MYO9A: variants seen among roughly 807,000 people sequenced by gnomAD.
The protein encoded by MYO9A is myosin IXA.
A neutral mutation model predicts 293.3 loss-of-function variants in MYO9A; 103 were observed. The observed-to-expected ratio is 0.35, with a 90% CI of 0.30 to 0.41. The LOEUF (loss-of-function observed/expected upper bound fraction) is 0.41, where lower values mean the gene tolerates loss of function less well. Ranked by LOEUF, MYO9A falls within the 10% of genes least tolerant of loss-of-function variation. The probability of loss-of-function intolerance (pLI) is 1.00; values close to 1 mark genes in which losing one functional copy is unlikely to be tolerated. For synonymous variants in MYO9A, 1,001 were observed against 1,035.7 expected, an observed-to-expected ratio of 0.97 and a Z score of 0.64; for missense variants, 2,685 against 3,033.0, an observed-to-expected ratio of 0.89 and a Z score of 2.69.
At chr15:71,958,333 T>C (rs1342010284) in intron 14 of MYO9A, among the ~76,000 whole-genome samples, 1 of 152,150 alleles carries the variant, frequency 6.6e-6, no homozygotes, top group African/African-American at 2.4e-5. Flanking sequence ...GTTCCAACTT[T>C]ATAATATGTT....
In MYO9A at chr15:72,045,921, T is replaced by C. The variant is rs199614803; in HGVS notation, c.643A>G (p.Ile215Val). 1.1e-4 allele frequency: 182 copies of C among 1,614,172 alleles called. No homozygotes were observed. Among genetic ancestry groups the C allele is most frequent in the Non-Finnish European group, 1.4e-4 (171 of 1,180,030 alleles). Reference sequence around the variant, plus strand: ...TAAGCTACATCAGCCACAGCATAAATGTGGGGCTCAAGTTTTCCCAGTTGG... The same window carrying C: ...TAAGCTACATCAGCCACAGCATAAACGTGGGGCTCAAGTTTTCCCAGTTGG... ...NHQLGKLEPH[I>V]YAVADVAYHA... Residue 215 changes from isoleucine to valine, a missense_variant, in exon 2 of 42, where the codon ATT becomes GTT. Physicochemically the swap from Ile to Val is conservative, Grantham distance 29. Transcript: ENST00000356056.
intron 19 of MYO9A, among the ~76,000 whole-genome samples, chr15:71,906,794 C>T (rs1394471815): frequency 8.9e-5 from 6 of 67,608 alleles, no homozygotes; most frequent in African/African-American, 1.7e-4. Context: ...GACAGTGTCT[C>T]GCTCTGTCAC....
At chr15:71,867,291 A>T (rs2056361775) in intron 32 of MYO9A, among the ~76,000 whole-genome samples, 1 of 152,172 alleles carries the variant, frequency 6.6e-6, no homozygotes, top group African/African-American at 2.4e-5. Flanking sequence ...GTGACCACTA[A>T]ATTATTGGAA....
At chr15:71,868,597 A>C (rs1262239140) in intron 32 of MYO9A, among the ~76,000 whole-genome samples, 2 of 152,202 alleles carry the variant, frequency 1.3e-5, no homozygotes. Flanking sequence ...TGGAGGGAAC[A>C]TCTTTAGAAT....
At chr15:71,827,547 C>T (rs1341158739) in intron 41 of MYO9A, among the ~76,000 whole-genome samples, 2 of 152,018 alleles carry the variant, frequency 1.3e-5, no homozygotes, top group East Asian at 3.9e-4. Flanking sequence ...AAACAAAAAA[C>T]TCAATCACGT....
At chr15:71,991,026 A>G in intron 11 of MYO9A, 77 bp downstream of exon 11, 1 of 1,266,050 alleles carries the variant, frequency 7.9e-7, no homozygotes, top group Non-Finnish European at 1.0e-6. Flanking sequence ...GTGTGAAAAA[A>G]TGAAGTGAAT....
At chr15:72,118,300 T>C (rs544727513), upstream of MYO9A, 6 of 254,036 alleles carry the variant, frequency 2.4e-5, no homozygotes, top group Admixed American at 1.7e-4. Flanking sequence ...TTTTTTCTTC[T>C]TCACCTTACG....
intron 39 of MYO9A, among the ~76,000 whole-genome samples, chr15:71,845,995 C>T (rs1451844580): frequency 2.0e-5 from 3 of 152,106 alleles, no homozygotes; most frequent in Admixed American, 1.3e-4. Context: ...AAACAAATGG[C>T]GATATTTGTT....
At chr15:71,922,402 T>C (rs889727026) in intron 18 of MYO9A, among the ~76,000 whole-genome samples, 1 of 152,218 alleles carries the variant, frequency 6.6e-6, no homozygotes, top group Non-Finnish European at 1.5e-5. Flanking sequence ...CATGTATACA[T>C]TGAGTAGTGA....
chr15:72,026,044 C>A (rs973722867), intron 4 of MYO9A, among the ~76,000 whole-genome samples: 7 of 151,860 alleles, frequency 4.6e-5, no homozygotes, highest in Admixed American at 3.9e-4. Flanking sequence ...GAGGCTGAGG[C>A]GGGCAGATCA....
At chr15:71,919,024 T>C (rs781176170) in intron 18 of MYO9A, among the ~76,000 whole-genome samples, 1 of 152,236 alleles carries the variant, frequency 6.6e-6, no homozygotes, top group Non-Finnish European at 1.5e-5. Context: ...CTTGCTTAAA[T>C]ACTGAAAAAA....
chr15:71,845,015 G>A (rs913479213), intron 39 of MYO9A, among the ~76,000 whole-genome samples: 5 of 152,126 alleles, frequency 3.3e-5, no homozygotes, highest in Non-Finnish European at 5.9e-5. Context: ...ACAAATCTCA[G>A]AATCCTAATG....
intron 1 of MYO9A, among the ~76,000 whole-genome samples, chr15:72,066,484 C>CAA (rs369900151): frequency 0.011 from 965 of 88,624 alleles, 24 homozygotes; most frequent in East Asian, 0.058. Flanking sequence ...GACTTGGTCT[C>CAA]AAAAAAAAAA....
At chr15:71,973,909 A>C (rs2076074943) in intron 12 of MYO9A, among the ~76,000 whole-genome samples, 2 of 152,160 alleles carry the variant, frequency 1.3e-5, no homozygotes, top group Admixed American at 6.5e-5. Context: ...TTTGTCAGCA[A>C]GAGAGTCTGA....
At chr15:71,845,462 G>C (rs183797621) in intron 39 of MYO9A, among the ~76,000 whole-genome samples, 2 of 152,168 alleles carry the variant, frequency 1.3e-5, no homozygotes, top group Non-Finnish European at 2.9e-5. Context: ...AAGATGCTGG[G>C]GTGTGATGAT....
At chr15:71,841,785 G>A (rs912265052) in intron 39 of MYO9A, among the ~76,000 whole-genome samples, 1 of 150,758 alleles carries the variant, frequency 6.6e-6, no homozygotes, top group Non-Finnish European at 1.5e-5. Flanking sequence ...ATAGGTGCTC[G>A]CCACCAGGGG....
At chr15:71,910,618 A>G (rs2057817602) in intron 19 of MYO9A, among the ~76,000 whole-genome samples, 1 of 152,130 alleles carries the variant, frequency 6.6e-6, no homozygotes, top group Non-Finnish European at 1.5e-5. Context: ...ATGCTCCCCA[A>G]TCTTGCCAAC....
intron 31 of MYO9A, 58 bp downstream of exon 31, chr15:71,877,982 G>A (rs1408623353): frequency 7.8e-6 from 11 of 1,407,412 alleles, no homozygotes; most frequent in South Asian, 2.8e-5. Flanking sequence ...TGTCCCAAAC[G>A]CTCTTAAAAA....
intron 9 of MYO9A, among the ~76,000 whole-genome samples, chr15:71,997,819 C>T (rs555194796): frequency 1.3e-5 from 2 of 152,110 alleles, no homozygotes; most frequent in East Asian, 1.9e-4. Context: ...GTCAGAAAAA[C>T]GACAGATGCT....
Sources: allele counts gnomAD v4.1 joint callset (sites outside exome capture counted in the v4.1 genomes callset), GRCh38; gene constraint gnomAD v4.1.1; transcripts MANE v1.5; gene names NCBI Gene and HGNC (gene_info 2026-07-23, HGNC 2026-07-21).